Variants in NRXN3 observed in about 807,000 individuals in gnomAD.
NRXN3 encodes neurexin 3.
A neutral mutation model predicts 137.6 loss-of-function variants in NRXN3; 32 were observed. The ratio of observed to expected loss-of-function variants is 0.23; its 90% CI spans 0.18 to 0.31. The LOEUF is 0.31. Ranked by LOEUF, NRXN3 falls within the 10% of genes least tolerant of loss-of-function variation. NRXN3 has a pLI of 1.00. For synonymous variants in NRXN3, 798 were observed against 784.5 expected (o/e 1.02, Z -0.29); for missense variants, 1,574 against 2,062.5 (o/e 0.76, Z 4.59).
At chr14:79,793,239 G>T (rs1431039957) in intron 19 of NRXN3, among the ~76,000 whole-genome samples, 1 of 151,958 alleles carries the variant, frequency 6.6e-6, no homozygotes, top group Non-Finnish European at 1.5e-5. Flanking sequence ...AGACCATCCT[G>T]GCTAACCCGG....
intron 15 of NRXN3, among the ~76,000 whole-genome samples, chr14:79,282,653 G>T (rs1040837179): frequency 6.6e-6 from 1 of 152,066 alleles, no homozygotes; most frequent in East Asian, 1.9e-4. Context: ...ATCTGATAAG[G>T]TTCAGTGTGA....
intron 16 of NRXN3, among the ~76,000 whole-genome samples, chr14:79,475,389 A>G (rs1328621391): frequency 6.6e-6 from 1 of 152,128 alleles, no homozygotes; most frequent in Non-Finnish European, 1.5e-5. Flanking sequence ...TATGTTTCAG[A>G]ATCCTCAATG....
chr14:79,452,465 G>A (rs2096190707), intron 15 of NRXN3, among the ~76,000 whole-genome samples: 1 of 152,154 alleles, frequency 6.6e-6, no homozygotes, highest in African/African-American at 2.4e-5. Context: ...GAACTAAGAT[G>A]AGGGCCCGGA....
chr14:78,943,616 AAAAAAAT>A lies in NRXN3; in HGVS notation c.2276-13624_2276-13618del, dbSNP rs1567776525. Among the ~76,000 whole-genome samples, 24 of 41,018 alleles carry A rather than the reference AAAAAAAT, an allele frequency of 5.9e-4. 1 individual carries two copies. The highest frequency in any genetic ancestry group is 1.1e-3 in the South Asian group (1 of 888). The allele number at this position is 41,018 out of a possible 152,430, so 26.9% of individuals were successfully genotyped here. On this transcript the variant is annotated intron_variant, in intron 10 of 20. Coordinates refer to ENST00000335750, the MANE Select transcript of NRXN3 (RefSeq NM_001330195.2). ...AAAGAAGCAAGATCACTGTTAAAAAAAAAAAATATATATATATATATATATATATATA... is the reference window on the plus strand; with the variant it reads ...AAAGAAGCAAGATCACTGTTAAAAAAATATATATATATATATATATATATA...
At chr14:78,635,115 G>A (rs1367522550) in intron 4 of NRXN3, among the ~76,000 whole-genome samples, 1 of 152,128 alleles carries the variant, frequency 6.6e-6, no homozygotes, top group Admixed American at 6.5e-5. Context: ...ATACTTAAAG[G>A]TGGGGAGTTT....
intron 6 of NRXN3, among the ~76,000 whole-genome samples, chr14:78,679,868 A>C (rs2098055013): frequency 6.6e-6 from 1 of 152,164 alleles, no homozygotes. Flanking sequence ...CTCCTGGTTC[A>C]AATCCGTTGT....
At chr14:79,231,183 C>T (rs1295474134) in intron 15 of NRXN3, among the ~76,000 whole-genome samples, 7 of 152,054 alleles carry the variant, frequency 4.6e-5, no homozygotes, top group African/African-American at 1.7e-4. Context: ...TGATTGCTTT[C>T]AGTATTTTTA....
chr14:79,689,475 G>A (rs917215779), intron 17 of NRXN3, among the ~76,000 whole-genome samples: 3 of 152,012 alleles, frequency 2.0e-5, no homozygotes, highest in African/African-American at 7.2e-5. Flanking sequence ...TGTTAATGCG[G>A]CAACTTAAAC....
chr14:79,549,472 C>T (rs2097353157), intron 16 of NRXN3, among the ~76,000 whole-genome samples: 1 of 152,086 alleles, frequency 6.6e-6, no homozygotes, highest in Non-Finnish European at 1.5e-5. Flanking sequence ...ACAAATACTC[C>T]TTCCCTGAGC....
chr14:78,181,476 T>TTTGCTCAGGCCTGGCTATCCA (rs2059801408), intron 1 of NRXN3, among the ~76,000 whole-genome samples: 1 of 152,182 alleles, frequency 6.6e-6, no homozygotes, highest in Non-Finnish European at 1.5e-5. Context: ...TTTGGTCTCC[T>TTTGCTCAGGCCTGGCTATCCA]TTGCTCAGGC....
chr14:79,257,354 G>A (rs1269823722), intron 15 of NRXN3, among the ~76,000 whole-genome samples: 5 of 108,036 alleles, frequency 4.6e-5, no homozygotes, highest in Admixed American at 1.0e-4. Flanking sequence ...TGGTGGTGGT[G>A]GTGGTGGTGG....
At chr14:78,615,934 T>A (rs964439216) in intron 4 of NRXN3, among the ~76,000 whole-genome samples, 1 of 152,202 alleles carries the variant, frequency 6.6e-6, no homozygotes, top group Non-Finnish European at 1.5e-5. Flanking sequence ...TACTCCAGCC[T>A]GGGTGACAAA....
chr14:78,579,542 A>G lies in NRXN3; in HGVS notation c.758-65578A>G, dbSNP rs539103629. Among the ~76,000 whole-genome samples the G allele has an allele frequency of 3.9e-3, 599 of 152,208 alleles. 3 individuals are homozygous for G. Among genetic ancestry groups the G allele is most frequent in the African/African-American group, 0.014 (582 of 41,516 alleles). On this transcript the variant is annotated intron_variant, in intron 4 of 20. Coordinates refer to ENST00000335750, the MANE Select transcript of NRXN3 (RefSeq NM_001330195.2). ...TTGGGAGTGGTGGTGGTTAAAAAAA[A>G]AAAAAAAATAGAGCCAAAGTGTAAG...
intron 10 of NRXN3, among the ~76,000 whole-genome samples, chr14:78,905,928 A>G (rs962582238): frequency 6.6e-6 from 1 of 152,016 alleles, no homozygotes; most frequent in African/African-American, 2.4e-5. Context: ...TAAAGAACAT[A>G]CGATTTGGTG....
At position 79,265,042 on chromosome 14, in the gene NRXN3, C is replaced by G. The variant is rs139992233; in HGVS notation, c.3263-202179C>G. 7.1e-4 allele frequency among the ~76,000 whole-genome samples: 108 copies of G among 151,940 alleles called. 1 individual carries two copies. Among genetic ancestry groups the G allele is most frequent in the African/African-American group, 2.5e-3 (103 of 41,456 alleles). On this transcript the variant is annotated intron_variant, in intron 15 of 20. Transcript: ENST00000335750. ...TAAAATAAATTAACTTTTAAATTAA[C>G]TGGCCAAATGTCGTATATAGTAGGA...
chr14:78,529,981 T>C (rs1040362751), intron 4 of NRXN3, among the ~76,000 whole-genome samples: 3 of 152,244 alleles, frequency 2.0e-5, no homozygotes, highest in Non-Finnish European at 4.4e-5. Context: ...ATAATACTTG[T>C]TGAATTAATA....
chr14:78,227,607 C>G (rs929173412), intron 1 of NRXN3, among the ~76,000 whole-genome samples: 1 of 152,212 alleles, frequency 6.6e-6, no homozygotes. Context: ...ACCAGAGCAC[C>G]TCCCACCTCT....
At chr14:79,140,746 G>A (rs58507495) in intron 15 of NRXN3, among the ~76,000 whole-genome samples, 9,220 of 152,084 alleles carry the variant, frequency 0.061, 985 homozygotes, top group African/African-American at 0.21. Context: ...GTTTACTTTT[G>A]GCCCTTTTCC....
At chr14:79,169,349 T>C (rs531070707) in intron 15 of NRXN3, among the ~76,000 whole-genome samples, 2 of 152,254 alleles carry the variant, frequency 1.3e-5, no homozygotes, top group Non-Finnish European at 2.9e-5. Context: ...GCAGCCTCAG[T>C]ACACTTCAAC....
Sources: allele counts gnomAD v4.1 joint callset (sites outside exome capture counted in the v4.1 genomes callset), GRCh38; gene constraint gnomAD v4.1.1; transcripts MANE v1.5; gene names NCBI Gene and HGNC (gene_info 2026-07-23, HGNC 2026-07-21).